GPR158: variants seen among roughly 807,000 people sequenced by gnomAD.
GPR158 encodes metabotropic glycine receptor.
GPR158 carries 30 observed loss-of-function variants against 78.2 expected under a neutral mutation model. The observed-to-expected ratio is 0.38, with a 90% CI of 0.29 to 0.52. The LOEUF (loss-of-function observed/expected upper bound fraction) is 0.52, where lower values mean the gene tolerates loss of function less well. GPR158 is among the 20% of genes least tolerant of loss of function. The probability of loss-of-function intolerance (pLI) is 0.83; values close to 1 mark genes in which losing one functional copy is unlikely to be tolerated. For missense variants in GPR158, 1,463 were observed against 1,523.5 expected (o/e 0.96, Z 0.66); for synonymous variants, 581 against 591.1 (o/e 0.98, Z 0.25).
chr10:25,307,170 G>A (rs916088636), intron 2 of GPR158, among the ~76,000 whole-genome samples: 12 of 151,840 alleles, frequency 7.9e-5, no homozygotes, highest in African/African-American at 2.2e-4. Context: ...CTTCTTTCAG[G>A]TAGTCTTATA....
intron 2 of GPR158, among the ~76,000 whole-genome samples, chr10:25,288,065 A>G (rs1448185401): frequency 1.3e-5 from 2 of 151,560 alleles, no homozygotes; most frequent in East Asian, 3.8e-4. Flanking sequence ...TAAAATAATA[A>G]TAGCTAAAAC....
intron 1 of GPR158, among the ~76,000 whole-genome samples, chr10:25,208,609 A>G (rs1003816645): frequency 7.0e-6 from 1 of 143,014 alleles, no homozygotes; most frequent in African/African-American, 2.8e-5. Flanking sequence ...TGTGTGTATT[A>G]GAATTGAGAA....
intron 5 of GPR158, among the ~76,000 whole-genome samples, chr10:25,532,740 T>TAAA (rs5783940): frequency 0.31 from 45,032 of 147,574 alleles, 7,161 homozygotes; most frequent in East Asian, 0.47. Flanking sequence ...ACATTTGTTG[T>TAAA]AAAAAAAAAA....
chr10:25,421,512 AT>A (rs1404331405), intron 4 of GPR158, among the ~76,000 whole-genome samples: 3 of 151,964 alleles, frequency 2.0e-5, no homozygotes, highest in Non-Finnish European at 2.9e-5. Context: ...TGATTTATAA[AT>A]TTTTTTTCTT....
At chr10:25,446,025 C>T (rs557134312) in intron 4 of GPR158, among the ~76,000 whole-genome samples, 4 of 151,954 alleles carry the variant, frequency 2.6e-5, no homozygotes, top group Admixed American at 6.5e-5. Context: ...ACTGATGTTA[C>T]GGGAATGGAA....
chr10:25,399,709 AC>A (rs1834414868), intron 3 of GPR158, among the ~76,000 whole-genome samples: 1 of 152,222 alleles, frequency 6.6e-6, no homozygotes, highest in Non-Finnish European at 1.5e-5. Flanking sequence ...CAACAACCTG[AC>A]TAGGAATATG....
chr10:25,324,193 T>G (rs7098381), intron 2 of GPR158, among the ~76,000 whole-genome samples: 3,491 of 152,374 alleles, frequency 0.023, 136 homozygotes, highest in African/African-American at 0.079. Flanking sequence ...GCTAACTGTT[T>G]CGCACGAGAG....
chr10:25,466,518 C>T lies in GPR158; in HGVS notation c.1336-133C>T, dbSNP rs1344004198. On this transcript the variant is annotated intron_variant, in intron 4 of 10. Coordinates refer to ENST00000376351, the MANE Select transcript of GPR158 (RefSeq NM_020752.3). ...AGTTTTTTACCCACCTGAATACTAA[C>T]CAATTTTCATTAATTTATTTAATTT... 7.1e-6 allele frequency: 4 copies of T among 567,258 alleles called. No homozygotes were observed. In the South Asian group the frequency reaches 7.7e-5, roughly 11 times the overall value. 35.1% of individuals were successfully genotyped at this position (567,258 alleles called of 1,614,324 possible).
At chr10:25,300,222 G>A (rs138474085) in intron 2 of GPR158, among the ~76,000 whole-genome samples, 66 of 152,242 alleles carry the variant, frequency 4.3e-4, no homozygotes, top group African/African-American at 1.5e-3. Flanking sequence ...GGAGGCTGTC[G>A]GAAGAATGTT....
At chr10:25,522,674 G>A (rs910616186) in intron 5 of GPR158, among the ~76,000 whole-genome samples, 5 of 152,048 alleles carry the variant, frequency 3.3e-5, no homozygotes, top group African/African-American at 1.2e-4. Context: ...CACAAAATAC[G>A]CTTATATATT....
In GPR158 at chr10:25,175,495, C is replaced by A; in HGVS notation, c.75C>A (p.Ser25Arg). The change falls in exon 1 of 11, where the codon AGC (serine) becomes AGA (arginine). Residue 25 changes from serine (S) to arginine (R), a missense_variant. Transcript: ENST00000376351. The surrounding 1 kb of genome is among the most constrained non-coding windows in gnomAD (Gnocchi z 6.4). ...TGGGATTGGGAGCTGTTGGCGCCAGCCGCGACCCCCAAGGACGGCCGGATT... is the reference window on the plus strand; with the variant it reads ...TGGGATTGGGAGCTGTTGGCGCCAGACGCGACCCCCAAGGACGGCCGGATT... ...AQLGLGAVGA[S>R]RDPQGRPDSP... is the part of the protein sequence containing the mutation. The A allele has an allele frequency of 6.2e-7, 1 of 1,611,540 alleles. No homozygotes were observed. The highest frequency in any genetic ancestry group is 8.5e-7 in the Non-Finnish European group (1 of 1,179,242).
At chr10:25,366,806 A>G (rs1148156) in intron 2 of GPR158, among the ~76,000 whole-genome samples, 23,209 of 151,562 alleles carry the variant, frequency 0.15, 2,064 homozygotes, top group African/African-American at 0.25. Flanking sequence ...TTGTGTATTG[A>G]TTAAATTTTT....
intron 2 of GPR158, among the ~76,000 whole-genome samples, chr10:25,386,330 G>C (rs1044472133): frequency 2.6e-5 from 4 of 152,140 alleles, no homozygotes; most frequent in African/African-American, 4.8e-5. Flanking sequence ...ACACTGTTTT[G>C]ATTACTATAG....
In GPR158 at chr10:25,347,868, CT is replaced by C. The variant is rs143385554; in HGVS notation, c.1009-48042del. ...AATTACCTGATCACAGCCATACAAT[CT>C]GTTAGAGATCATGCCAGTGTAAGAA... On this transcript the variant is annotated intron_variant, in intron 2 of 10. Coordinates refer to ENST00000376351, the MANE Select transcript of GPR158 (RefSeq NM_020752.3). Among the ~76,000 whole-genome samples, 877 of 150,198 alleles carry C rather than the reference CT, an allele frequency of 5.8e-3. 6 individuals carry two copies. Among genetic ancestry groups the C allele is most frequent in the African/African-American group, 0.019 (759 of 39,772 alleles).
intron 2 of GPR158, among the ~76,000 whole-genome samples, chr10:25,299,487 A>T (rs1854561130): frequency 6.6e-6 from 1 of 152,144 alleles, no homozygotes; most frequent in South Asian, 2.1e-4. Context: ...GTGAAATCAT[A>T]CGATTCTTTT....
intron 1 of GPR158, among the ~76,000 whole-genome samples, chr10:25,206,539 A>G (rs984401304): frequency 2.6e-5 from 4 of 152,160 alleles, no homozygotes; most frequent in Non-Finnish European, 4.4e-5. Flanking sequence ...ATCACCCACA[A>G]TCTTAATGCT....
At position 25,470,360 on chromosome 10, in the gene GPR158, C is replaced by G. The variant is rs1257957229; in HGVS notation, c.1404+3641C>G. Among the ~76,000 whole-genome samples, 4 of 152,168 alleles carry G rather than the reference C, an allele frequency of 2.6e-5. No individual in the cohort carries two copies. The East Asian group carries it at 5.8e-4, about 22-fold the overall frequency. On this transcript the variant is annotated intron_variant, in intron 5 of 10. Transcript: ENST00000376351. ...TGAATGCCCTTAACATGTAAAAGAG[C>G]TCGGTGGAGGGAGTTTGGCCCTTTT...
rs865958383 is a variant in GPR158 at position 25,229,298 on chromosome 10, G to A, written c.1008+8141G>A. ...ACTCCCTTTTCCTTTGTGGATCATA[G>A]GGAGGATTACTAACGCAAATAACCC... On this transcript the variant is annotated intron_variant, in intron 2 of 10. Transcript: ENST00000376351. 3.1e-4 allele frequency among the ~76,000 whole-genome samples: 47 copies of A among 152,198 alleles called. No homozygotes were observed. In the Middle Eastern group the frequency reaches 0.01, roughly 33 times the overall value.
chr10:25,493,178 A>G (rs1482596865), intron 5 of GPR158, among the ~76,000 whole-genome samples: 2 of 152,150 alleles, frequency 1.3e-5, no homozygotes, highest in Non-Finnish European at 2.9e-5. Flanking sequence ...GCCTTTGTTC[A>G]GGCAGCACTG....
Sources: gnomAD v4.1 joint callset for allele counts (sites outside exome capture counted in the v4.1 genomes callset) on GRCh38, gnomAD v4.1.1 for gene constraint, Gnocchi (gnomAD v3.1) non-coding constraint, MANE v1.5 for transcripts, NCBI Gene and HGNC (gene_info 2026-07-23, HGNC 2026-07-21) for gene names.